Variants in NEO1 observed in about 807,000 individuals in gnomAD.
NEO1 encodes the protein neogenin 1.
A neutral mutation model predicts 159.7 loss-of-function variants in NEO1; 63 were observed. The ratio of observed to expected loss-of-function variants is 0.39; its 90% CI spans 0.32 to 0.49. The LOEUF (loss-of-function observed/expected upper bound fraction) is 0.49, where lower values mean the gene tolerates loss of function less well. Ranked by LOEUF, NEO1 falls within the 20% of genes least tolerant of loss-of-function variation. The pLI is 0.85. For synonymous variants in NEO1, 633 were observed against 662.0 expected, an observed-to-expected ratio of 0.96 and a Z score of 0.67; for missense variants, 1,615 against 1,831.0, an observed-to-expected ratio of 0.88 and a Z score of 2.15.
At chr15:73,190,802 C>T (rs2036197134) in intron 7 of NEO1, among the ~76,000 whole-genome samples, 1 of 151,974 alleles carries the variant, frequency 6.6e-6, no homozygotes, top group African/African-American at 2.4e-5. Context: ...AAATTCATGT[C>T]TAGGAACTTT....
At chr15:73,062,954 G>A (rs2068047250) in intron 1 of NEO1, among the ~76,000 whole-genome samples, 1 of 152,144 alleles carries the variant, frequency 6.6e-6, no homozygotes, top group Non-Finnish European at 1.5e-5. Flanking sequence ...ATGACACTTA[G>A]GAAGGAAAAA....
intron 1 of NEO1, among the ~76,000 whole-genome samples, chr15:73,092,084 A>G (rs1472094565): frequency 6.6e-6 from 1 of 152,196 alleles, no homozygotes; most frequent in Non-Finnish European, 1.5e-5. Context: ...TTACCTTTAG[A>G]ATATTTATTT....
At chr15:73,167,518 G>A (rs539968214) in intron 5 of NEO1, among the ~76,000 whole-genome samples, 3 of 152,220 alleles carry the variant, frequency 2.0e-5, no homozygotes, top group South Asian at 4.2e-4. Context: ...TCCATCTGAG[G>A]TCCATGTTCA....
In NEO1 at chr15:73,094,122, G is replaced by A. The variant is rs79330547; in HGVS notation, c.131-22418G>A. Among the ~76,000 whole-genome samples the A allele has an allele frequency of 7.3e-4, 111 of 152,102 alleles. 1 individual carries two copies. Among genetic ancestry groups the A allele is most frequent in the African/African-American group, 2.6e-3 (107 of 41,482 alleles). ...TATATAATCCACCTATTTAAAATGT[G>A]CAACTCAGTAGCTTTTGATATATTC... On this transcript the variant is annotated intron_variant, in intron 1 of 28. Coordinates refer to ENST00000261908, the MANE Select transcript of NEO1 (RefSeq NM_002499.4).
chr15:73,071,932 T>C (rs963372468), intron 1 of NEO1, among the ~76,000 whole-genome samples: 2 of 119,812 alleles, frequency 1.7e-5, no homozygotes, highest in East Asian at 4.0e-4. Flanking sequence ...TGGCTTTTAA[T>C]TTAATTTTGT....
At chr15:73,160,612 T>C (rs757020531) in intron 5 of NEO1, among the ~76,000 whole-genome samples, 9 of 152,108 alleles carry the variant, frequency 5.9e-5, no homozygotes, top group Admixed American at 3.9e-4. Flanking sequence ...TTTTATTAAT[T>C]TGCTAGAGTG....
intron 5 of NEO1, among the ~76,000 whole-genome samples, chr15:73,154,516 C>G (rs1186487598): frequency 1.3e-5 from 2 of 152,166 alleles, no homozygotes; most frequent in Non-Finnish European, 2.9e-5. Flanking sequence ...CTCTGGTAAC[C>G]ATCATTCTAC....
At position 73,266,319 on chromosome 15, in the gene NEO1, C is replaced by T; in HGVS notation, c.2402C>T (p.Pro801Leu). 1 of 1,604,200 alleles carries T rather than the reference C, an allele frequency of 6.2e-7. No individual in the cohort carries two copies. Among genetic ancestry groups the T allele is most frequent in the Non-Finnish European group, 8.5e-7 (1 of 1,175,582 alleles). The change falls in exon 16 of 29, where the codon CCC becomes CTC. Residue 801 changes from proline (P) to leucine (L), a missense_variant. Around this residue, in one of 3 missense-constraint regions of NEO1, gnomAD observed 1,018 missense variants for 1,115.4 expected, o/e 0.91. Transcript: ENST00000261908. ...QRYYTIENLD[P>L]SSHYVITLKA... ...ATGTGTGTTTCTTTTTTTTCAGATC[C>T]CAGCTCTCACTATGTGATTACCCTG...
chr15:73,207,647 C>T (rs892615229), intron 7 of NEO1, among the ~76,000 whole-genome samples: 1 of 152,198 alleles, frequency 6.6e-6, no homozygotes, highest in African/African-American at 2.4e-5. Context: ...ATAGTTTCGT[C>T]CCTACTGCAC....
At chr15:73,148,665 T>A (rs1181693509) in intron 5 of NEO1, among the ~76,000 whole-genome samples, 1 of 152,168 alleles carries the variant, frequency 6.6e-6, no homozygotes, top group Non-Finnish European at 1.5e-5. Context: ...ACAGTTACCC[T>A]CAGTTTATCT....
chr15:73,296,936 CA>C (rs1483233012), intron 26 of NEO1, among the ~76,000 whole-genome samples: 1 of 152,204 alleles, frequency 6.6e-6, no homozygotes, highest in Non-Finnish European at 1.5e-5. Flanking sequence ...CAGTTGGCCA[CA>C]GATAATTGAA....
chr15:73,134,681 CTGGGATTACAGGCATG>C (rs2031545802), intron 4 of NEO1, among the ~76,000 whole-genome samples: 1 of 151,928 alleles, frequency 6.6e-6, no homozygotes, highest in Admixed American at 6.6e-5. Context: ...CTCCGTGTAG[CTGGGATTACAGGCATG>C]CACCACCACG....
intron 9 of NEO1, 103 bp downstream of exon 9, chr15:73,244,601 T>TCAAG: frequency 7.7e-7 from 1 of 1,298,338 alleles, no homozygotes; most frequent in Non-Finnish European, 1.0e-6. Context: ...AGATAACAGT[T>TCAAG]CCTTACTTTC....
chr15:73,070,660 GT>G, intron 1 of NEO1, among the ~76,000 whole-genome samples: 1 of 152,092 alleles, frequency 6.6e-6, no homozygotes, highest in Non-Finnish European at 1.5e-5. Flanking sequence ...CTATATACCA[GT>G]TTTTTTCCCT....
At chr15:73,267,994 CT>C (rs1392473135) in intron 16 of NEO1, among the ~76,000 whole-genome samples, 2 of 152,088 alleles carry the variant, frequency 1.3e-5, no homozygotes, top group African/African-American at 2.4e-5. Flanking sequence ...CTTACCTTTC[CT>C]GAAGGAAGAG....
At chr15:73,100,722 T>C (rs2070357768) in intron 1 of NEO1, among the ~76,000 whole-genome samples, 1 of 152,226 alleles carries the variant, frequency 6.6e-6, no homozygotes, top group Admixed American at 6.5e-5. Flanking sequence ...TCCTTCCTTT[T>C]CTACTTTATA....
chr15:73,164,254 G>T (rs541729771), intron 5 of NEO1, among the ~76,000 whole-genome samples: 1 of 144,762 alleles, frequency 6.9e-6, no homozygotes, highest in Admixed American at 7.1e-5. Context: ...GTGTCACCCA[G>T]GTTGGAGTGC....
intron 7 of NEO1, among the ~76,000 whole-genome samples, chr15:73,224,258 T>C (rs2038449948): frequency 6.6e-6 from 1 of 152,212 alleles, no homozygotes; most frequent in African/African-American, 2.4e-5. Context: ...TAACTGTAGA[T>C]AAGTTAAGCA....
intron 13 of NEO1, chr15:73,256,066 C>A (rs1596493720): frequency 6.6e-6 from 1 of 152,216 alleles, no homozygotes; most frequent in South Asian, 2.1e-4. Context: ...ATTTCATCAC[C>A]CTTTGGAAAC....
Sources: gnomAD v4.1 joint callset for allele counts (sites outside exome capture counted in the v4.1 genomes callset) on GRCh38, gnomAD v4.1.1 for gene constraint, gnomAD v4.1.1 regional missense constraint, MANE v1.5 for transcripts, NCBI Gene and HGNC (gene_info 2026-07-23, HGNC 2026-07-21) for gene names.